ATP6V1H: variants seen among roughly 807,000 people sequenced by gnomAD.
The protein encoded by ATP6V1H is ATPase H+ transporting V1 subunit H.
Under a neutral mutation model 71.7 loss-of-function variants are expected in ATP6V1H, and 39 were observed. That is an observed-to-expected ratio of 0.54 (90% CI 0.42 to 0.71). The LOEUF (loss-of-function observed/expected upper bound fraction) is 0.71. Among genes scored for constraint, ATP6V1H ranks in the 30% least tolerant of loss-of-function variants. The probability of loss-of-function intolerance (pLI) is 0.00; values close to 1 mark genes in which losing one functional copy is unlikely to be tolerated. For synonymous variants in ATP6V1H, 192 were observed against 199.3 expected (o/e 0.96, Z 0.31); for missense variants, 509 against 594.9 (o/e 0.86, Z 1.50).
chr8:53,771,986 C>T lies in ATP6V1H; in HGVS notation c.1049+3G>A, dbSNP rs1808676015. On this transcript the variant is annotated splice_donor_region_variant and intron_variant, in intron 10 of 13. Coordinates refer to ENST00000359530, the MANE Select transcript of ATP6V1H (RefSeq NM_015941.4). ...CACATGAGAATTAAAAAGAATAACA[C>T]ACCTAAGGTCCTGGACACTCTCTCC... The T allele has an allele frequency of 3.1e-6, 5 of 1,610,710 alleles. No homozygotes were observed. In the South Asian group the frequency reaches 3.3e-5, roughly 11 times the overall value.
intron 6 of ATP6V1H, among the ~76,000 whole-genome samples, chr8:53,812,569 G>T (rs549609594): frequency 2.6e-4 from 40 of 152,270 alleles, no homozygotes; most frequent in Non-Finnish European, 5.1e-4. Context: ...TGCCCAAAAA[G>T]CTAGTAGCAC....
chr8:53,795,871 T>C, intron 8 of ATP6V1H, 32 bp from the exon 9 acceptor site: 2 of 1,560,070 alleles, frequency 1.3e-6, no homozygotes, highest in Non-Finnish European at 1.7e-6. Context: ...AAAACACATT[T>C]ACAAAACATT....
chr8:53,769,525 T>A (rs186294316), intron 11 of ATP6V1H, 93 bp downstream of exon 11: 3 of 1,276,532 alleles, frequency 2.4e-6, no homozygotes, highest in South Asian at 3.1e-5. Flanking sequence ...ATTAAAACCA[T>A]AGAATATCTA....
chr8:53,778,129 T>C (rs753300411), intron 9 of ATP6V1H, among the ~76,000 whole-genome samples: 4 of 152,048 alleles, frequency 2.6e-5, no homozygotes, highest in Non-Finnish European at 4.4e-5. Flanking sequence ...CAAAATCACC[T>C]CTAAGAAATA....
chr8:53,742,099 A>T (rs1359093266), intron 13 of ATP6V1H, among the ~76,000 whole-genome samples: 1 of 150,882 alleles, frequency 6.6e-6, no homozygotes, highest in Admixed American at 6.6e-5. Context: ...ATAGCCTACA[A>T]GGCCCTACAC....
At chr8:53,824,203 A>G (rs1177847732) in intron 4 of ATP6V1H, among the ~76,000 whole-genome samples, 3 of 152,144 alleles carry the variant, frequency 2.0e-5, no homozygotes, top group African/African-American at 4.8e-5. Context: ...CAAATGAACA[A>G]TTTCTGTAGA....
At chr8:53,811,281 AC>A in intron 6 of ATP6V1H, 64 bp from the exon 7 acceptor site, 1 of 1,450,852 alleles carries the variant, frequency 6.9e-7, no homozygotes, top group Non-Finnish European at 9.6e-7. Flanking sequence ...GTATCAGCTT[AC>A]AAAAGGGAGC....
intron 4 of ATP6V1H, among the ~76,000 whole-genome samples, chr8:53,825,790 T>C (rs1317673022): frequency 3.3e-5 from 5 of 152,070 alleles, no homozygotes; most frequent in African/African-American, 9.7e-5. Context: ...GATGAAACTA[T>C]ACAAGCACTA....
At chr8:53,730,484 GT>G (rs1156482439) in intron 13 of ATP6V1H, among the ~76,000 whole-genome samples, 4 of 152,196 alleles carry the variant, frequency 2.6e-5, no homozygotes, top group South Asian at 4.2e-4. Flanking sequence ...ATATTGCAAA[GT>G]TTTTTTAGAT....
intron 12 of ATP6V1H, among the ~76,000 whole-genome samples, chr8:53,748,451 C>G (rs1807683401): frequency 6.6e-6 from 1 of 152,122 alleles, no homozygotes; most frequent in East Asian, 1.9e-4. Context: ...AAGGGGCCAG[C>G]AAATAACCAG....
At position 53,819,582 on chromosome 8, in the gene ATP6V1H, ATAT is replaced by A. The variant is rs1442751629; in HGVS notation, c.307-2055_307-2053del. ...TATATATATATATATATATATATAT[ATAT>A]AAAATACACACACATACACACATTG... On this transcript the variant is annotated intron_variant, in intron 4 of 13. Transcript: ENST00000359530. Among the ~76,000 whole-genome samples, 268 of 125,446 alleles carry A rather than the reference ATAT, an allele frequency of 2.1e-3. 25 individuals carry two copies. The highest frequency in any genetic ancestry group is 4.2e-3 in the East Asian group (17 of 4,092). 82.3% of individuals were successfully genotyped at this position (125,446 alleles called of 152,430 possible).
chr8:53,819,444 A>G (rs1810559355), intron 4 of ATP6V1H, among the ~76,000 whole-genome samples: 1 of 148,256 alleles, frequency 6.7e-6, no homozygotes, highest in South Asian at 2.1e-4. Context: ...AGGCAGGAGA[A>G]TCGCTTGAAC....
chr8:53,760,942 A>C (rs62515794), intron 11 of ATP6V1H, among the ~76,000 whole-genome samples: 4 of 152,200 alleles, frequency 2.6e-5, no homozygotes, highest in African/African-American at 9.6e-5. Flanking sequence ...CCTCTTTAAA[A>C]TATTTCACGG....
rs184518478 is a variant in ATP6V1H at position 53,798,222 on chromosome 8, T to C, written c.678-2383A>G. On this transcript the variant is annotated intron_variant, in intron 8 of 13. Coordinates refer to ENST00000359530, the MANE Select transcript of ATP6V1H (RefSeq NM_015941.4). ...ACTATATAGATTAAAATGTGCTGGG[T>C]TTTTTTAAGACCTCAGTTATCGGCC... Among the ~76,000 whole-genome samples, 212 of 152,232 alleles carry C rather than the reference T, an allele frequency of 1.4e-3. 1 individual carries two copies. Among genetic ancestry groups the C allele is most frequent in the African/African-American group, 4.9e-3 (205 of 41,532 alleles).
At chr8:53,746,267 CT>C (rs562243257) in intron 12 of ATP6V1H, among the ~76,000 whole-genome samples, 2,648 of 142,954 alleles carry the variant, frequency 0.019, 26 homozygotes, top group African/African-American at 0.039. Flanking sequence ...ATGTTTATTT[CT>C]TTTTTTTTTT....
rs148244527 is a variant in ATP6V1H at position 53,741,903 on chromosome 8, C to T, written c.1391+1674G>A. The stretch of plus-strand genomic sequence containing the variant: ...TTTATCATCTAGGCCAAGCCACCAA[C>T]TACCTCAGCCCCAGACTACCATGAA... On this transcript the variant is annotated intron_variant, in intron 13 of 13. Coordinates refer to ENST00000359530, the MANE Select transcript of ATP6V1H (RefSeq NM_015941.4). Among the ~76,000 whole-genome samples the T allele has an allele frequency of 8.1e-3, 1,241 of 152,328 alleles. 2 individuals are homozygous for T. Among genetic ancestry groups the T allele is most frequent in the South Asian group, 0.015 (74 of 4,832 alleles).
At chr8:53,751,344 T>C (rs1305434813) in intron 12 of ATP6V1H, among the ~76,000 whole-genome samples, 1 of 152,246 alleles carries the variant, frequency 6.6e-6, no homozygotes. Context: ...ACTAGCTATG[T>C]GCAGCAGAGT....
In ATP6V1H at chr8:53,806,859, C is replaced by T. The variant is rs866804952; in HGVS notation, c.579+4305G>A. On this transcript the variant is annotated intron_variant, in intron 7 of 13. Transcript: ENST00000359530. ...CTCGTGTAATTTACTGAATACTGTG[C>T]TGAAAGTGAAAATCATAATGGTCAT... 10 of 454,674 alleles carry T rather than the reference C, an allele frequency of 2.2e-5. No individual in the cohort carries two copies. In the Middle Eastern group the frequency reaches 2.3e-3, roughly 106 times the overall value. The allele number at this position is 454,674 out of a possible 1,614,324, so 28.2% of individuals were successfully genotyped here.
intron 13 of ATP6V1H, among the ~76,000 whole-genome samples, chr8:53,716,812 A>C (rs890652561): frequency 3.3e-5 from 5 of 152,232 alleles, no homozygotes; most frequent in Admixed American, 1.3e-4. Context: ...GACAGAAAAC[A>C]ATCTTGTCCC....
Sources: gnomAD v4.1 joint callset for allele counts (sites outside exome capture counted in the v4.1 genomes callset) on GRCh38, gnomAD v4.1.1 for gene constraint, MANE v1.5 for transcripts, NCBI Gene and HGNC (gene_info 2026-07-23, HGNC 2026-07-21) for gene names.